Variants in CIMAP2 observed in about 807,000 individuals in gnomAD.
CIMAP2 encodes ciliary microtubule-associated protein 2.
chr1:54,815,534 C>T, the CIMAP2 span, among the ~76,000 whole-genome samples: 1 of 152,112 alleles, frequency 6.6e-6, no homozygotes, highest in African/African-American at 2.4e-5. Flanking sequence ...AGCAAGACCC[C>T]CTTCTGGCCC....
the CIMAP2 span, among the ~76,000 whole-genome samples, chr1:54,820,188 TTCTC>T: frequency 6.6e-6 from 1 of 150,470 alleles, no homozygotes; most frequent in African/African-American, 2.5e-5. Flanking sequence ...TCTGCTTTCT[TTCTC>T]TCTCTTCTTT....
At chr1:54,811,772 T>TTCCCCCCCCCC in the CIMAP2 span, 71 of 454,842 alleles carry the variant, frequency 1.6e-4, no homozygotes, top group South Asian at 2.0e-4. Flanking sequence ...ACAGCCTCCA[T>TTCCCCCCCCCC]GCCCCCACCC....
the CIMAP2 span, chr1:54,811,766 C>CGGGCGGG: frequency 7.7e-7 from 1 of 1,305,190 alleles, no homozygotes; most frequent in Non-Finnish European, 1.1e-6. Flanking sequence ...GTTCTGACAG[C>CGGGCGGG]CTCCATGCCC....
At chr1:54,824,699 T>C in the CIMAP2 span, among the ~76,000 whole-genome samples, 1 of 152,222 alleles carries the variant, frequency 6.6e-6, no homozygotes, top group African/African-American at 2.4e-5. Context: ...ATTTCCTATA[T>C]TGAATTGTTC....
the CIMAP2 span, chr1:54,812,312 T>C: frequency 7.3e-7 from 1 of 1,367,552 alleles, no homozygotes; most frequent in Non-Finnish European, 1.0e-6. Context: ...CCACACCCCC[T>C]CACTTCACCC....
chr1:54,807,692 T>C, the CIMAP2 span: 1 of 1,589,832 alleles, frequency 6.3e-7, no homozygotes, highest in Admixed American at 1.8e-5. Context: ...CGGCTGAAGG[T>C]GAGGCCTCTG....
the CIMAP2 span, among the ~76,000 whole-genome samples, chr1:54,820,114 CTTTCTTTCTTTCTTTCTTTCTT>C: frequency 6.1e-5 from 3 of 48,868 alleles, no homozygotes; most frequent in Non-Finnish European, 1.3e-4. Flanking sequence ...CTCTCTCTCT[CTTTCTTTCTTTCTTTCTTTCTT>C]TCTCTCTTTC....
chr1:54,810,034 T>C, the CIMAP2 span, among the ~76,000 whole-genome samples: 2 of 152,186 alleles, frequency 1.3e-5, no homozygotes, highest in East Asian at 3.8e-4. Context: ...AGTGTGGTAC[T>C]GAACCTCTGA....
the CIMAP2 span, among the ~76,000 whole-genome samples, chr1:54,825,043 T>C: frequency 3.1e-3 from 3 of 956 alleles, no homozygotes; most frequent in African/African-American, 6.1e-3. Context: ...GGGAATTACT[T>C]TTTTTTTTTT....
chr1:54,837,322 G>A, the CIMAP2 span, among the ~76,000 whole-genome samples: 1 of 152,076 alleles, frequency 6.6e-6, no homozygotes, highest in African/African-American at 2.4e-5. Flanking sequence ...GACATGGCCC[G>A]TTTGAGGCTC....
chr1:54,808,793 G>A, the CIMAP2 span, among the ~76,000 whole-genome samples: 10 of 152,144 alleles, frequency 6.6e-5, no homozygotes, highest in African/African-American at 1.9e-4. Context: ...GTAAGGGCAC[G>A]AGGGAGAAAG....
chr1:54,824,218 G>C, the CIMAP2 span, among the ~76,000 whole-genome samples: 73 of 152,214 alleles, frequency 4.8e-4, no homozygotes, highest in Non-Finnish European at 8.8e-4. Flanking sequence ...TTTTTGTAGA[G>C]ATGGGGTCTG....
At chr1:54,840,828 T>A in the CIMAP2 span, among the ~76,000 whole-genome samples, 5 of 152,388 alleles carry the variant, frequency 3.3e-5, no homozygotes, top group East Asian at 9.6e-4. Flanking sequence ...GCTGCTTAGT[T>A]CCTTAGATAT....
chr1:54,811,766 C>CCGGGGGGGGGGCGG, the CIMAP2 span: 3 of 1,305,190 alleles, frequency 2.3e-6, no homozygotes, highest in Non-Finnish European at 2.2e-6. Context: ...GTTCTGACAG[C>CCGGGGGGGGGGCGG]CTCCATGCCC....
the CIMAP2 span, chr1:54,811,765 G>GCCGGGGGGGCCCGCCCCCCC: frequency 7.7e-7 from 1 of 1,301,332 alleles, no homozygotes; most frequent in Non-Finnish European, 1.1e-6. Context: ...GGTTCTGACA[G>GCCGGGGGGGCCCGCCCCCCC]CCTCCATGCC....
chr1:54,811,773 G>GACCC, the CIMAP2 span: 23 of 1,325,040 alleles, frequency 1.7e-5, no homozygotes, highest in South Asian at 5.2e-5. Context: ...CAGCCTCCAT[G>GACCC]CCCCCACCCC....
At chr1:54,837,747 A>G in the CIMAP2 span, among the ~76,000 whole-genome samples, 10 of 152,140 alleles carry the variant, frequency 6.6e-5, no homozygotes, top group African/African-American at 9.7e-5. Flanking sequence ...TCAATTCAGG[A>G]TACATTTACT....
At chr1:54,812,228 C>G in the CIMAP2 span, 1 of 1,611,866 alleles carries the variant, frequency 6.2e-7, no homozygotes, top group Non-Finnish European at 8.5e-7. Flanking sequence ...GTCCATGCCC[C>G]AGCAGGATGA....
chr1:54,822,524 C>T, the CIMAP2 span, among the ~76,000 whole-genome samples: 1 of 152,096 alleles, frequency 6.6e-6, no homozygotes, highest in South Asian at 2.1e-4. Context: ...AATCTTTCTA[C>T]TTTTTTGATG....
Sources: gnomAD v4.1 joint callset for allele counts (sites outside exome capture counted in the v4.1 genomes callset) on GRCh38, gnomAD v4.1.1 for gene constraint, MANE v1.5 for transcripts, NCBI Gene and HGNC (gene_info 2026-07-23, HGNC 2026-07-21) for gene names.